The following DGKG variants were observed in gnomAD, a reference collection of about 807,000 sequenced individuals.
DGKG encodes DAG kinase gamma.
Under a neutral mutation model 105.3 loss-of-function variants are expected in DGKG, and 78 were observed. That is an observed-to-expected ratio of 0.74 (90% CI 0.62 to 0.89). The LOEUF (loss-of-function observed/expected upper bound fraction) is 0.89, where lower values mean the gene tolerates loss of function less well. Ranked by LOEUF, DGKG falls within the 40% of genes least tolerant of loss-of-function variation. The pLI is 0.00. For missense variants in DGKG, 958 were observed against 1,020.1 expected (o/e 0.94, Z 0.83); for synonymous variants, 346 against 367.1 (o/e 0.94, Z 0.66).
chr3:186,223,011 C>CTATATATATATA (rs55753193), intron 20 of DGKG, among the ~76,000 whole-genome samples: 2,628 of 80,376 alleles, frequency 0.033, 235 homozygotes, highest in African/African-American at 0.053. Context: ...TGTATGTATA[C>CTATATATATATA]TATATATATA....
At chr3:186,346,044 G>A (rs570012668) in intron 1 of DGKG, among the ~76,000 whole-genome samples, 1 of 152,306 alleles carries the variant, frequency 6.6e-6, no homozygotes, top group African/African-American at 2.4e-5. Context: ...TGGGATTACA[G>A]GCTGAGCCAC....
intron 6 of DGKG, among the ~76,000 whole-genome samples, chr3:186,285,829 A>G (rs1053942020): frequency 6.6e-6 from 1 of 151,690 alleles, no homozygotes; most frequent in African/African-American, 2.4e-5. Flanking sequence ...ACAGGCATGC[A>G]CCACCACACC....
intron 1 of DGKG, among the ~76,000 whole-genome samples, chr3:186,352,098 C>T (rs529271066): frequency 2.0e-5 from 3 of 152,182 alleles, no homozygotes; most frequent in African/African-American, 7.2e-5. Flanking sequence ...TCCCCCCAGG[C>T]AATGTTAATG....
chr3:186,228,865 T>C (rs974883545), intron 20 of DGKG, among the ~76,000 whole-genome samples: 9 of 152,310 alleles, frequency 5.9e-5, no homozygotes, highest in Admixed American at 5.2e-4. Flanking sequence ...GGGGGAAGAC[T>C]GATGCTGTGG....
chr3:186,301,924 T>C (rs915210302), intron 3 of DGKG, among the ~76,000 whole-genome samples: 5 of 152,178 alleles, frequency 3.3e-5, no homozygotes, highest in African/African-American at 1.2e-4. Context: ...TTATTCCCCA[T>C]GTGCGTGTAT....
intron 1 of DGKG, among the ~76,000 whole-genome samples, chr3:186,331,294 C>T (rs1482800874): frequency 6.6e-6 from 1 of 152,204 alleles, no homozygotes; most frequent in African/African-American, 2.4e-5. Flanking sequence ...AGTGTGGGGG[C>T]TGTAGCTGCT....
chr3:186,258,585 T>C (rs1175515487), intron 16 of DGKG, among the ~76,000 whole-genome samples: 1 of 152,166 alleles, frequency 6.6e-6, no homozygotes, highest in African/African-American at 2.4e-5. Flanking sequence ...ACCACAGAGG[T>C]TGGAACCATA....
rs1716297102 is a variant in DGKG, at chr3:186,161,654, C to G, written c.2226G>C (p.Lys742Asn). The G allele has an allele frequency of 3.1e-6, 5 of 1,614,192 alleles. No homozygotes were observed. The highest frequency in any genetic ancestry group is 4.2e-6 in the Non-Finnish European group (5 of 1,180,030). The change falls in exon 24 of 25, where the codon AAG becomes AAC. Residue 742 changes from lysine (K) to asparagine (N), a missense_variant. By Grantham distance (94) the Lys-to-Asn change is moderately conservative. Around this residue, in one of 2 missense-constraint regions of DGKG, gnomAD observed 315 missense variants for 400.6 expected, o/e 0.79. Transcript: ENST00000265022. ...CTCCATCCACTTGCATTGGCAGCAG[C>G]TTGTTTGTCCTGGAACCCAGAACAC... ...QCASVTIRTNKLLPMQVDGEP... is the reference protein window; with the variant it reads ...QCASVTIRTNNLLPMQVDGEP...
At chr3:186,357,417 A>G (rs1727022245) in intron 1 of DGKG, among the ~76,000 whole-genome samples, 1 of 151,994 alleles carries the variant, frequency 6.6e-6, no homozygotes, top group African/African-American at 2.4e-5. Flanking sequence ...AGGTCCAAGA[A>G]AAAAAGAGAA....
chr3:186,295,924 T>C (rs1314019468), intron 5 of DGKG, among the ~76,000 whole-genome samples: 2 of 152,112 alleles, frequency 1.3e-5, no homozygotes, highest in African/African-American at 4.8e-5. Flanking sequence ...CTGGCCAAGA[T>C]GGCAAAACCC....
intron 1 of DGKG, among the ~76,000 whole-genome samples, chr3:186,322,770 T>C (rs1193516805): frequency 6.6e-6 from 1 of 152,154 alleles, no homozygotes; most frequent in African/African-American, 2.4e-5. Context: ...CAGATCTGTA[T>C]ATCCAACCAT....
intron 20 of DGKG, among the ~76,000 whole-genome samples, chr3:186,232,076 T>A (rs1464069558): frequency 1.3e-5 from 2 of 152,190 alleles, no homozygotes; most frequent in Non-Finnish European, 2.9e-5. Context: ...GATAAAATAT[T>A]TTTCATTTAC....
chr3:186,148,617 C>T lies in DGKG; in HGVS notation c.*1473G>A, dbSNP rs1021800028. On this transcript the variant is annotated 3_prime_UTR_variant, in exon 25 of 25. Coordinates refer to ENST00000265022, the MANE Select transcript of DGKG (RefSeq NM_001346.3). ...TTTTCTCCATTAAATATCTTTGTAA[C>T]GGCACCTACTCTCAAGCTGCATTAG... 10 of 985,260 alleles carry T rather than the reference C, an allele frequency of 1.0e-5. No individual in the cohort carries two copies. Among genetic ancestry groups the T allele is most frequent in the Middle Eastern group, 5.2e-4 (1 of 1,934 alleles). The allele number at this position is 985,260 out of a possible 1,614,324, so 61.0% of individuals were successfully genotyped here.
At chr3:186,358,840 T>C (rs1490391104) in intron 1 of DGKG, among the ~76,000 whole-genome samples, 1 of 152,180 alleles carries the variant, frequency 6.6e-6, no homozygotes, top group African/African-American at 2.4e-5. Context: ...ATGATGCACG[T>C]TCACAAGAGT....
intron 24 of DGKG, chr3:186,158,229 A>G (rs1716127789): frequency 1.4e-6 from 1 of 697,540 alleles, no homozygotes; most frequent in Non-Finnish European, 1.8e-6. Flanking sequence ...TTGTTTTATT[A>G]TTGCTCTTCT....
chr3:186,249,718 T>A (rs1045415454), intron 19 of DGKG, among the ~76,000 whole-genome samples: 9 of 152,080 alleles, frequency 5.9e-5, no homozygotes, highest in African/African-American at 2.2e-4. Flanking sequence ...ATTGCACGCT[T>A]GTAACCCCAA....
intron 24 of DGKG, among the ~76,000 whole-genome samples, chr3:186,151,821 G>A (rs149495005): frequency 2.6e-4 from 40 of 152,340 alleles, no homozygotes; most frequent in Admixed American, 2.6e-4. Context: ...TCCAGGAACT[G>A]TAATCCCAGC....
At position 186,210,876 on chromosome 3, in the gene DGKG, G is replaced by A. The variant is rs530050507; in HGVS notation, c.1917+919C>T. On this transcript the variant is annotated intron_variant, in intron 21 of 24. Coordinates refer to ENST00000265022, the MANE Select transcript of DGKG (RefSeq NM_001346.3). This position sits in a 1 kb window ranked among gnomAD's most constrained non-coding sequence, Gnocchi z 5.2. ...AGGTAGGCCTGGTAGCAAGAACTCTGGGCAAGAGAACCAATGGGCGTAAAG... is the reference window on the plus strand; with the variant it reads ...AGGTAGGCCTGGTAGCAAGAACTCTAGGCAAGAGAACCAATGGGCGTAAAG... Among the ~76,000 whole-genome samples the A allele has an allele frequency of 6.6e-6, 1 of 152,356 alleles. No individual in the cohort carries two copies. The highest frequency in any genetic ancestry group is 1.9e-4 in the East Asian group (1 of 5,188).
chr3:186,277,651 TAAG>T (rs896469194), intron 9 of DGKG, among the ~76,000 whole-genome samples: 2 of 152,208 alleles, frequency 1.3e-5, no homozygotes, highest in Non-Finnish European at 2.9e-5. Context: ...TTTATGGATA[TAAG>T]AAGTGCATGG....
Sources: gnomAD v4.1 joint callset for allele counts (sites outside exome capture counted in the v4.1 genomes callset) on GRCh38, gnomAD v4.1.1 for gene constraint, gnomAD v4.1.1 regional missense constraint, Gnocchi (gnomAD v3.1) non-coding constraint, MANE v1.5 for transcripts, NCBI Gene and HGNC (gene_info 2026-07-23, HGNC 2026-07-21) for gene names.